DCLK1: variants seen among roughly 807,000 people sequenced by gnomAD.
The protein encoded by DCLK1 is serine/threonine-protein kinase DCLK1.
Under a neutral mutation model 86.2 loss-of-function variants are expected in DCLK1, and 16 were observed. That is an observed-to-expected ratio of 0.19 (90% CI 0.13 to 0.28). The LOEUF is 0.28. Among genes scored for constraint, DCLK1 ranks in the 10% least tolerant of loss-of-function variants. The pLI, the probability that DCLK1 is intolerant of heterozygous loss-of-function variation, is 1.00. For synonymous variants in DCLK1, 369 were observed against 370.5 expected (o/e 1.00, Z 0.05); for missense variants, 590 against 940.2 (o/e 0.63, Z 4.87).
intron 4 of DCLK1, among the ~76,000 whole-genome samples, chr13:35,871,998 A>C (rs1872303034): frequency 6.6e-6 from 1 of 152,200 alleles, no homozygotes; most frequent in Admixed American, 6.5e-5. Flanking sequence ...AAACAACTTC[A>C]CTTTCATTAG....
rs1191888940 is a variant in DCLK1 at position 35,864,564 on chromosome 13, C to CAA, written c.940+6658_940+6659dup. 5.7e-3 allele frequency among the ~76,000 whole-genome samples: 119 copies of CAA among 20,700 alleles called. 20 individuals carry two copies. The highest frequency in any genetic ancestry group is 0.021 in the African/African-American group (61 of 2,958). The allele number at this position is 20,700 out of a possible 152,430, so 13.6% of individuals were successfully genotyped here. A position where few individuals can be genotyped will look rare whatever the true frequency, so the allele number is the denominator to read the frequency against. ...TGGGCGACAGAGCGAGACTCCGTCT[C>CAA]AAAAAAAAAAAAAAAAAAAAAAAAA... On this transcript the variant is annotated intron_variant, in intron 5 of 16. Transcript: ENST00000360631.
chr13:35,978,300 G>T (rs1879459611), intron 3 of DCLK1, among the ~76,000 whole-genome samples: 1 of 148,882 alleles, frequency 6.7e-6, no homozygotes, highest in Non-Finnish European at 1.5e-5. Flanking sequence ...CTGCCTCTTG[G>T]GTTTAAGCTA....
At chr13:36,045,332 G>GTGTATA (rs1434268651) in intron 3 of DCLK1, among the ~76,000 whole-genome samples, 56 of 55,760 alleles carry the variant, frequency 1.0e-3, no homozygotes, top group African/African-American at 2.1e-3. Context: ...GTGTGTGTGT[G>GTGTATA]TATATATATA....
chr13:35,854,653 A>C (rs1870919028), intron 5 of DCLK1, 60 bp from the exon 6 acceptor site: 1 of 1,419,936 alleles, frequency 7.0e-7, no homozygotes, highest in African/African-American at 1.4e-5. Flanking sequence ...TTTCATGACA[A>C]ATCATCTTCT....
At chr13:36,014,987 CCTCTCTCTCTCTCTCTTTCTCTCTCT>C (rs1881479092) in intron 3 of DCLK1, among the ~76,000 whole-genome samples, 2 of 100,978 alleles carry the variant, frequency 2.0e-5, no homozygotes, top group South Asian at 4.3e-4. Flanking sequence ...ATTCTCTCTC[CCTCTCTCTCTCTCTCTTTCTCTCTCT>C]CTCTCTCTCT....
chr13:35,880,420 C>T (rs1279504905), intron 4 of DCLK1, among the ~76,000 whole-genome samples: 1 of 152,166 alleles, frequency 6.6e-6, no homozygotes, highest in Non-Finnish European at 1.5e-5. Flanking sequence ...CTTCCAGGTA[C>T]CACTTGACCC....
At chr13:35,891,722 C>G (rs1387950046) in intron 4 of DCLK1, among the ~76,000 whole-genome samples, 1 of 152,200 alleles carries the variant, frequency 6.6e-6, no homozygotes, top group Non-Finnish European at 1.5e-5. Flanking sequence ...ACCACACTGT[C>G]ATAGCATCGT....
At chr13:35,800,730 T>G (rs909856803) in intron 15 of DCLK1, among the ~76,000 whole-genome samples, 5 of 152,094 alleles carry the variant, frequency 3.3e-5, no homozygotes, top group African/African-American at 1.2e-4. Context: ...TGTTTGTTTG[T>G]TTTTTGAGAC....
intron 4 of DCLK1, among the ~76,000 whole-genome samples, chr13:35,912,913 G>T (rs1298790456): frequency 1.3e-5 from 2 of 152,182 alleles, no homozygotes; most frequent in Non-Finnish European, 2.9e-5. Flanking sequence ...ACCTGGTCTG[G>T]CTGAGGGGCC....
At position 35,780,155 on chromosome 13, in the gene DCLK1, C is replaced by G. The variant is rs147179870; in HGVS notation, c.2059-5456G>C. On this transcript the variant is annotated intron_variant, in intron 16 of 16. Coordinates refer to ENST00000360631, the MANE Select transcript of DCLK1 (RefSeq NM_001330071.2). ...GTGTGTGTGTGTATGGCTAGCTTTACTCTTTATCAATCACAAAAAAATCCC... is the reference window on the plus strand; with the variant it reads ...GTGTGTGTGTGTATGGCTAGCTTTAGTCTTTATCAATCACAAAAAAATCCC... Among the ~76,000 whole-genome samples the G allele has an allele frequency of 1.4e-3, 214 of 152,208 alleles. 1 individual carries two copies. The highest frequency in any genetic ancestry group is 2.6e-3 in the African/African-American group (110 of 41,544).
In DCLK1 at chr13:35,773,438, T is replaced by C. The variant is rs1187268313; in HGVS notation, c.*1097A>G. The C allele has an allele frequency of 6.6e-6, 1 of 152,154 alleles. No individual in the cohort carries two copies. 9.4% of individuals were successfully genotyped at this position (152,154 alleles called of 1,614,324 possible). A position where few individuals can be genotyped will look rare whatever the true frequency, so the allele number is the denominator to read the frequency against. Reference sequence around the variant, plus strand: ...CAGTGGTTTATTCACTGAAAACTTATTGTTAGAACATTCTGGATTGTGTTC... The same window carrying C: ...CAGTGGTTTATTCACTGAAAACTTACTGTTAGAACATTCTGGATTGTGTTC... On this transcript the variant is annotated 3_prime_UTR_variant, in exon 17 of 17. Transcript: ENST00000360631.
chr13:35,792,988 G>A (rs1480904995), intron 16 of DCLK1, among the ~76,000 whole-genome samples: 8 of 152,186 alleles, frequency 5.3e-5, no homozygotes, highest in Non-Finnish European at 5.9e-5. Flanking sequence ...CTGCAATGTC[G>A]TCTCTCTCAG....
At chr13:36,127,040 T>G (rs950449741) in intron 1 of DCLK1, among the ~76,000 whole-genome samples, 1 of 152,174 alleles carries the variant, frequency 6.6e-6, no homozygotes, top group Non-Finnish European at 1.5e-5. Flanking sequence ...CATATCATCA[T>G]ACAGTGAAAG....
chr13:36,093,785 A>G (rs1301706869), intron 3 of DCLK1, among the ~76,000 whole-genome samples: 1 of 152,184 alleles, frequency 6.6e-6, no homozygotes, highest in African/African-American at 2.4e-5. Context: ...AATATTTAAA[A>G]TTAGAAATAC....
intron 3 of DCLK1, among the ~76,000 whole-genome samples, chr13:36,062,935 A>T (rs189199965): frequency 2.0e-5 from 3 of 152,328 alleles, no homozygotes; most frequent in Admixed American, 2.0e-4. Flanking sequence ...CTTAATGAGT[A>T]TATTTCCTGA....
At chr13:35,972,498 A>G (rs1273715214) in intron 3 of DCLK1, among the ~76,000 whole-genome samples, 3 of 152,202 alleles carry the variant, frequency 2.0e-5, no homozygotes, top group African/African-American at 7.2e-5. Context: ...TTTATGATAA[A>G]TATTTAAGAT....
chr13:35,919,559 C>T (rs903183758), intron 4 of DCLK1, among the ~76,000 whole-genome samples: 10 of 152,176 alleles, frequency 6.6e-5, no homozygotes, highest in Non-Finnish European at 8.8e-5. Flanking sequence ...CCCCAGAGAA[C>T]GCTGAACAGT....
chr13:35,900,770 G>T (rs1874306125), intron 4 of DCLK1, among the ~76,000 whole-genome samples: 1 of 152,090 alleles, frequency 6.6e-6, no homozygotes, highest in Non-Finnish European at 1.5e-5. Context: ...AACCAAAAAT[G>T]TCTCCACACA....
At chr13:35,776,598 TCA>T (rs1479962607) in intron 16 of DCLK1, among the ~76,000 whole-genome samples, 1 of 152,190 alleles carries the variant, frequency 6.6e-6, no homozygotes, top group Non-Finnish European at 1.5e-5. Context: ...CTTTCCACTC[TCA>T]CAGAGTTGCT....
Sources: gnomAD v4.1 joint callset for allele counts (sites outside exome capture counted in the v4.1 genomes callset) on GRCh38, gnomAD v4.1.1 for gene constraint, MANE v1.5 for transcripts, NCBI Gene and HGNC (gene_info 2026-07-23, HGNC 2026-07-21) for gene names.